TMEM150C: variants seen among roughly 807,000 people sequenced by gnomAD.
TMEM150C encodes tentonin 3.
A neutral mutation model predicts 29.9 loss-of-function variants in TMEM150C; 10 were observed. The ratio of observed to expected loss-of-function variants is 0.33; its 90% confidence interval spans 0.21 to 0.57. The LOEUF is 0.57. Ranked by LOEUF, TMEM150C falls within the 20% of genes least tolerant of loss-of-function variation. TMEM150C has a pLI of 0.88. For missense variants in TMEM150C, 251 were observed against 303.6 expected (o/e 0.83, Z 1.29); for synonymous variants, 101 against 112.5 (o/e 0.90, Z 0.64).
chr4:82,486,252 T>G (rs553334856), intron 7 of TMEM150C, among the ~76,000 whole-genome samples: 1 of 142,256 alleles, frequency 7.0e-6, no homozygotes, highest in Non-Finnish European at 1.5e-5. Flanking sequence ...AAAATTAAGC[T>G]ATTTTAAAAA....
Position 82,507,727 on chromosome 4 carries a change from C to CTTTTTTTTT in TMEM150C, c.-10-3069_-10-3061dup, listed in dbSNP as rs869112887. Among the ~76,000 whole-genome samples, 16 of 20,592 alleles carry CTTTTTTTTT rather than the reference C, an allele frequency of 7.8e-4. 4 individuals are homozygous for CTTTTTTTTT. The highest frequency in any genetic ancestry group is 2.2e-3 in the African/African-American group (7 of 3,230). 13.5% of individuals were successfully genotyped at this position (20,592 alleles called of 152,430 possible). A position where few individuals can be genotyped will look rare whatever the true frequency, so the allele number is the denominator to read the frequency against. The stretch of plus-strand genomic sequence containing the variant: ...TTAAATTAACTCTCTCTCTCTCTCT[C>CTTTTTTTTT]TTTTTTTTTTTTTTTTTTTTTTTTT... On this transcript the variant is annotated intron_variant, in intron 1 of 7. Transcript: ENST00000449862.
At chr4:82,530,509 A>G (rs1724808153) in intron 1 of TMEM150C, among the ~76,000 whole-genome samples, 1 of 152,120 alleles carries the variant, frequency 6.6e-6, no homozygotes, top group African/African-American at 2.4e-5. Flanking sequence ...GTGAGCCAAG[A>G]TCGCGCCACC....
At chr4:82,499,492 C>T (rs1316607053) in intron 5 of TMEM150C, among the ~76,000 whole-genome samples, 1 of 152,018 alleles carries the variant, frequency 6.6e-6, no homozygotes, top group African/African-American at 2.4e-5. Context: ...GAGGCCGAGG[C>T]TGGTGGATCA....
chr4:82,541,800 C>T (rs1578151606), intron 1 of TMEM150C, among the ~76,000 whole-genome samples: 1 of 152,136 alleles, frequency 6.6e-6, no homozygotes, highest in East Asian at 1.9e-4. Context: ...CAGCCCAAGT[C>T]TCATGTATTC....
chr4:82,489,052 G>A (rs560530687), intron 7 of TMEM150C, among the ~76,000 whole-genome samples: 15 of 151,198 alleles, frequency 9.9e-5, no homozygotes, highest in East Asian at 3.9e-4. Context: ...AACACCCAGC[G>A]GATTTTTAGA....
intron 7 of TMEM150C, among the ~76,000 whole-genome samples, chr4:82,487,639 AGT>A (rs554490466): frequency 1.8e-4 from 28 of 152,332 alleles, no homozygotes; most frequent in African/African-American, 6.3e-4. Context: ...GCAAGAACCA[AGT>A]TTTTTGGCTT....
intron 1 of TMEM150C, among the ~76,000 whole-genome samples, chr4:82,514,481 C>T (rs1724229812): frequency 6.6e-6 from 1 of 152,132 alleles, no homozygotes; most frequent in African/African-American, 2.4e-5. Flanking sequence ...CATGGATTTT[C>T]AGGCAGTGCA....
At chr4:82,504,899 G>C (rs931909448) in intron 1 of TMEM150C, among the ~76,000 whole-genome samples, 2 of 152,016 alleles carry the variant, frequency 1.3e-5, no homozygotes, top group Admixed American at 6.6e-5. Flanking sequence ...GCGTGGTGGC[G>C]GGCGCCTGTA....
chr4:82,552,044 C>T (rs1282352261), intron 1 of TMEM150C, among the ~76,000 whole-genome samples: 1 of 151,872 alleles, frequency 6.6e-6, no homozygotes, highest in South Asian at 2.1e-4. Context: ...AGAGGCTGTC[C>T]CCTCCCTCCC....
At chr4:82,489,534 C>A (rs1723265301) in intron 7 of TMEM150C, among the ~76,000 whole-genome samples, 1 of 152,078 alleles carries the variant, frequency 6.6e-6, no homozygotes, top group South Asian at 2.1e-4. Context: ...ATGAATAGCA[C>A]CCCAAAACCT....
chr4:82,490,063 A>G lies in TMEM150C; in HGVS notation c.539T>C (p.Leu180Pro). 6.2e-7 allele frequency: 1 copy of G among 1,613,666 alleles called. No homozygotes were observed. Among genetic ancestry groups the G allele is most frequent in the Non-Finnish European group, 8.5e-7 (1 of 1,179,744 alleles). Residue 180 changes from leucine to proline, a missense_variant and splice_region_variant, in exon 7 of 8, where the codon CTC becomes CCC. Coordinates refer to ENST00000449862, the MANE Select transcript of TMEM150C (RefSeq NM_001080506.3). Reference protein sequence around the residue: ...LSASITLCVVLYFILMAQSIH... With the variant: ...LSASITLCVVPYFILMAQSIH... ...AGCTTTTCACGTTCAAAGGATACAGAGGACCACACAGAGAGTGATAGATGC... is the reference window on the plus strand; with the variant it reads ...AGCTTTTCACGTTCAAAGGATACAGGGGACCACACAGAGAGTGATAGATGC...
intron 7 of TMEM150C, 23 bp from the exon 8 acceptor site, chr4:82,485,742 A>C: frequency 6.3e-7 from 1 of 1,581,232 alleles, no homozygotes; most frequent in Non-Finnish European, 8.6e-7. Context: ...AGTCAAGGAA[A>C]ATACCCTCAT....
At chr4:82,538,980 T>A (rs371030148) in intron 1 of TMEM150C, among the ~76,000 whole-genome samples, 1 of 152,078 alleles carries the variant, frequency 6.6e-6, no homozygotes. Context: ...GGTGGGAGGA[T>A]CACTTGAGCC....
chr4:82,495,013 T>A, intron 6 of TMEM150C: 1 of 954,616 alleles, frequency 1.0e-6, no homozygotes, highest in Non-Finnish European at 1.6e-6. Context: ...TTCAGAGCAA[T>A]AGGCTGCTGT....
chr4:82,550,234 C>G (rs1725526337), intron 1 of TMEM150C, among the ~76,000 whole-genome samples: 1 of 152,132 alleles, frequency 6.6e-6, no homozygotes. Flanking sequence ...CCTTCACATG[C>G]TCTCTCTCAT....
chr4:82,543,014 A>G (rs1417663632), intron 1 of TMEM150C, among the ~76,000 whole-genome samples: 1 of 152,200 alleles, frequency 6.6e-6, no homozygotes, highest in African/African-American at 2.4e-5. Flanking sequence ...AGCACTTACT[A>G]TGTGCCTGGC....
intron 1 of TMEM150C, 69 bp from the exon 2 acceptor site, chr4:82,504,736 T>C (rs1188027277): frequency 7.2e-7 from 1 of 1,397,532 alleles, no homozygotes; most frequent in Admixed American, 1.9e-5. Context: ...AGATAGAAAG[T>C]TTAGTCTAAC....
chr4:82,519,159 A>T (rs1724394328), intron 1 of TMEM150C, among the ~76,000 whole-genome samples: 2 of 152,182 alleles, frequency 1.3e-5, no homozygotes, highest in Non-Finnish European at 2.9e-5. Context: ...GCTCGACAGA[A>T]ATATCCTCAC....
intron 1 of TMEM150C, among the ~76,000 whole-genome samples, chr4:82,516,260 G>A (rs1340868440): frequency 6.6e-6 from 1 of 152,022 alleles, no homozygotes; most frequent in African/African-American, 2.4e-5. Flanking sequence ...CACTAAACTC[G>A]AACCTCCTCC....
Sources: allele counts gnomAD v4.1 joint callset (sites outside exome capture counted in the v4.1 genomes callset), GRCh38; gene constraint gnomAD v4.1.1; transcripts MANE v1.5; gene names NCBI Gene and HGNC (gene_info 2026-07-23, HGNC 2026-07-21).